Variants in TBC1D32 observed in about 807,000 individuals in gnomAD.
The protein encoded by TBC1D32 is protein broad-minded.
TBC1D32 carries 151 observed loss-of-function variants against 170.3 expected under a neutral mutation model. The ratio of observed to expected loss-of-function variants is 0.89; its 90% CI spans 0.78 to 1.01. The LOEUF is 1.01. TBC1D32 is among the 50% of genes least tolerant of loss of function. The probability of loss-of-function intolerance (pLI) is 0.00; values close to 1 mark genes in which losing one functional copy is unlikely to be tolerated. For missense variants in TBC1D32, 1,464 were observed against 1,457.1 expected (o/e 1.00, Z -0.08); for synonymous variants, 498 against 488.0 (o/e 1.02, Z -0.27).
At chr6:121,186,915 C>G (rs561472209) in intron 22 of TBC1D32, among the ~76,000 whole-genome samples, 1 of 65,318 alleles carries the variant, frequency 1.5e-5, no homozygotes, top group Non-Finnish European at 6.1e-5. Flanking sequence ...GTTTAAATGA[C>G]TCAAAATATT....
chr6:121,292,126 C>A lies in TBC1D32; in HGVS notation c.1299G>T (p.Leu433=). The A allele has an allele frequency of 6.2e-7, 1 of 1,605,042 alleles. No individual in the cohort carries two copies. Among genetic ancestry groups the A allele is most frequent in the Non-Finnish European group, 8.5e-7 (1 of 1,175,222 alleles). Residue 433 remains leucine (L), a synonymous_variant, in exon 12 of 32, where the codon CTG becomes CTT. Transcript: ENST00000398212. The part of the protein sequence containing the change: ...ELQYIYFIHS[L]CLLGRLLIYK... ...AGATCAATAATCTTCCTAAAAGGCA[C>A]AGTGAGTGAATGAAATAAATATATT...
intron 22 of TBC1D32, among the ~76,000 whole-genome samples, chr6:121,193,830 C>T (rs746838020): frequency 3.9e-5 from 6 of 152,114 alleles, no homozygotes; most frequent in Non-Finnish European, 7.4e-5. Context: ...AGAATCACAG[C>T]GCCTCAATCA....
chr6:121,230,284 T>G (rs1434278167), intron 20 of TBC1D32, among the ~76,000 whole-genome samples: 1 of 152,176 alleles, frequency 6.6e-6, no homozygotes, highest in Non-Finnish European at 1.5e-5. Flanking sequence ...TCATGACTAA[T>G]TAAACATACG....
intron 15 of TBC1D32, among the ~76,000 whole-genome samples, chr6:121,268,121 G>GA (rs1381878030): frequency 2.6e-5 from 4 of 151,710 alleles, no homozygotes. Context: ...CATCATAAAA[G>GA]AAAAAAGGTA....
intron 12 of TBC1D32, among the ~76,000 whole-genome samples, chr6:121,286,328 C>A (rs376225166): frequency 5.3e-5 from 8 of 152,170 alleles, no homozygotes; most frequent in Admixed American, 4.6e-4. Flanking sequence ...TGCACGAGAA[C>A]TACGTGACGA....
At chr6:121,124,378 T>C (rs1275792159) in intron 26 of TBC1D32, among the ~76,000 whole-genome samples, 3 of 152,126 alleles carry the variant, frequency 2.0e-5, no homozygotes, top group Non-Finnish European at 2.9e-5. Flanking sequence ...ATTCTTGTCC[T>C]GTAAAGTATC....
intron 15 of TBC1D32, among the ~76,000 whole-genome samples, chr6:121,276,064 G>A (rs1802165172): frequency 6.8e-6 from 1 of 147,922 alleles, no homozygotes; most frequent in East Asian, 2.1e-4. Flanking sequence ...ACATTGCAGT[G>A]AGCCGAGTTC....
chr6:121,116,780 GAA>G (rs1231356402), intron 26 of TBC1D32, among the ~76,000 whole-genome samples: 2 of 152,198 alleles, frequency 1.3e-5, no homozygotes, highest in African/African-American at 2.4e-5. Flanking sequence ...CCCTGTGAAA[GAA>G]AAGAGTTCTT....
intron 3 of TBC1D32, among the ~76,000 whole-genome samples, chr6:121,315,371 TC>T (rs1403622263): frequency 1.3e-5 from 2 of 152,196 alleles, no homozygotes; most frequent in Non-Finnish European, 2.9e-5. Flanking sequence ...AGAGACTTGT[TC>T]CAGGTTTAAT....
intron 10 of TBC1D32, among the ~76,000 whole-genome samples, chr6:121,295,909 G>A (rs984044214): frequency 1.3e-5 from 2 of 152,012 alleles, no homozygotes; most frequent in Non-Finnish European, 2.9e-5. Flanking sequence ...TGGATTTCAG[G>A]AGGGCTCTCA....
intron 24 of TBC1D32, among the ~76,000 whole-genome samples, chr6:121,151,092 T>C (rs1784153932): frequency 6.6e-6 from 1 of 152,196 alleles, no homozygotes; most frequent in Admixed American, 6.5e-5. Flanking sequence ...TTAATTGTGA[T>C]ATCAGGGTGT....
chr6:121,331,876 T>C (rs1483743464), intron 1 of TBC1D32, among the ~76,000 whole-genome samples: 2 of 152,182 alleles, frequency 1.3e-5, no homozygotes, highest in Non-Finnish European at 2.9e-5. Context: ...CTACTGCAGC[T>C]AAGACATTAT....
chr6:121,216,487 G>A (rs1793840638), intron 21 of TBC1D32, among the ~76,000 whole-genome samples: 4 of 152,160 alleles, frequency 2.6e-5, no homozygotes, highest in Admixed American at 2.6e-4. Flanking sequence ...GAATATTAAG[G>A]TTGGAATTCT....
intron 22 of TBC1D32, among the ~76,000 whole-genome samples, chr6:121,168,712 T>TAAAAA (rs59283869): frequency 0.01 from 938 of 93,754 alleles, 23 homozygotes; most frequent in African/African-American, 0.024. Context: ...TAGAGTATAA[T>TAAAAA]AAAAAAAAAA....
intron 31 of TBC1D32, among the ~76,000 whole-genome samples, chr6:121,085,634 G>C (rs1220841007): frequency 2.0e-5 from 3 of 151,908 alleles, no homozygotes; most frequent in African/African-American, 7.3e-5. Context: ...GACAACTCAT[G>C]CTTCTGCCAA....
At chr6:121,085,356 T>C (rs951354950) in intron 31 of TBC1D32, among the ~76,000 whole-genome samples, 1 of 101,154 alleles carries the variant, frequency 9.9e-6, no homozygotes, top group South Asian at 2.6e-4. Flanking sequence ...CATACATATA[T>C]ATACATATAT....
intron 22 of TBC1D32, among the ~76,000 whole-genome samples, chr6:121,171,524 C>T (rs901152137): frequency 6.6e-6 from 1 of 151,850 alleles, no homozygotes; most frequent in Non-Finnish European, 1.5e-5. Context: ...CATGTCCTTA[C>T]TTATTAGAGA....
At position 121,229,091 on chromosome 6, in the gene TBC1D32, C is replaced by A. The variant is rs1795402535; in HGVS notation, c.2365-5739G>T. 2.6e-5 allele frequency among the ~76,000 whole-genome samples: 4 copies of A among 151,754 alleles called. No individual in the cohort carries two copies. The South Asian group carries it at 8.3e-4, about 32-fold the overall frequency. ...CTTCTTTGTACATATTTTTTCCATCCAACTTATCTTTATCTTTAAAGTGAA... is the reference window on the plus strand; with the variant it reads ...CTTCTTTGTACATATTTTTTCCATCAAACTTATCTTTATCTTTAAAGTGAA... On this transcript the variant is annotated intron_variant, in intron 20 of 31. Coordinates refer to ENST00000398212, the MANE Select transcript of TBC1D32 (RefSeq NM_152730.6).
chr6:121,191,651 C>G (rs1790053372), intron 22 of TBC1D32, among the ~76,000 whole-genome samples: 1 of 151,646 alleles, frequency 6.6e-6, no homozygotes, highest in Non-Finnish European at 1.5e-5. Flanking sequence ...TTAGTTGGAG[C>G]TTTTGTAAAC....
Sources: allele counts gnomAD v4.1 joint callset (sites outside exome capture counted in the v4.1 genomes callset), GRCh38; gene constraint gnomAD v4.1.1; transcripts MANE v1.5; gene names NCBI Gene and HGNC (gene_info 2026-07-23, HGNC 2026-07-21).